The following ARMC6 variants were observed in gnomAD, a reference collection of about 807,000 sequenced individuals.
ARMC6 encodes the protein armadillo repeat-containing protein 6.
Under a neutral mutation model 49.2 loss-of-function variants are expected in ARMC6, and 43 were observed. That is an observed-to-expected ratio of 0.87 (90% CI 0.69 to 1.13). The LOEUF is 1.13. Among genes scored for constraint, ARMC6 ranks in the 50% most tolerant of loss-of-function variants. The pLI is 0.00. For missense variants in ARMC6, 627 were observed against 682.0 expected, an observed-to-expected ratio of 0.92 and a Z score of 0.90; for synonymous variants, 262 against 289.6, an observed-to-expected ratio of 0.90 and a Z score of 0.97.
chr19:19,051,373 C>CTGTGTGTGTG (rs1279966843), intron 4 of ARMC6, among the ~76,000 whole-genome samples: 17 of 115,146 alleles, frequency 1.5e-4, no homozygotes, highest in African/African-American at 4.1e-4. Context: ...CTCTCTCTCT[C>CTGTGTGTGTG]TCTGTGTGTG....
At position 19,048,782 on chromosome 19, in the gene ARMC6, A is replaced by G. The variant is rs1209860673; in HGVS notation, c.280-2840A>G. Among the ~76,000 whole-genome samples, 4 of 152,348 alleles carry G rather than the reference A, an allele frequency of 2.6e-5. No individual in the cohort carries two copies. In the East Asian group the frequency reaches 7.7e-4, roughly 29 times the overall value. On this transcript the variant is annotated intron_variant, in intron 4 of 8. Coordinates refer to ENST00000535612, the MANE Select transcript of ARMC6 (RefSeq NM_001199196.2). ...AATGTAGCTTTTCCCCACAAGAGAT[A>G]GCTTTGCAGGGCCATTTCAAAATAT...
At chr19:19,046,927 G>GTTTTTTTTTTTTTTTTTTTT (rs386388691) in intron 4 of ARMC6, among the ~76,000 whole-genome samples, 26 of 104,302 alleles carry the variant, frequency 2.5e-4, no homozygotes, top group East Asian at 6.1e-4. Context: ...ATGCTCACCT[G>GTTTTTTTTTTTTTTTTTTTT]TTTTTTTTTT....
At chr19:19,034,260 C>T (rs2059317180) in intron 2 of ARMC6, 22 bp downstream of exon 2, 1 of 1,591,582 alleles carries the variant, frequency 6.3e-7, no homozygotes, top group South Asian at 1.1e-5. Flanking sequence ...CAAATAATAA[C>T]AGAGTGATGG....
At chr19:19,051,359 ATCTCTC>A (rs373829349) in intron 4 of ARMC6, among the ~76,000 whole-genome samples, 10 of 132,288 alleles carry the variant, frequency 7.6e-5, no homozygotes, top group African/African-American at 2.8e-4. Context: ...AGTTGTCTGG[ATCTCTC>A]TCTCTCTCTC....
intron 4 of ARMC6, among the ~76,000 whole-genome samples, chr19:19,044,432 C>G (rs774896907): frequency 1.1e-4 from 17 of 152,224 alleles, no homozygotes; most frequent in Non-Finnish European, 2.5e-4. Flanking sequence ...GTAAGGCTGT[C>G]ACTTACTGAG....
chr19:19,034,371 C>G, intron 2 of ARMC6, 133 bp downstream of exon 2: 2 of 1,173,362 alleles, frequency 1.7e-6, no homozygotes, highest in South Asian at 2.7e-5. Flanking sequence ...ACTTGGAAGG[C>G]TTAGATAGAG....
intron 1 of ARMC6, 94 bp downstream of exon 1, chr19:19,034,024 TG>T (rs925237328): frequency 1.4e-4 from 72 of 530,868 alleles, no homozygotes; most frequent in East Asian, 1.9e-4. Flanking sequence ...GTACGTGGTT[TG>T]GGGGGAAAAA....
At chr19:19,035,262 T>A (rs933727768) in intron 2 of ARMC6, among the ~76,000 whole-genome samples, 1 of 152,172 alleles carries the variant, frequency 6.6e-6, no homozygotes, top group African/African-American at 2.4e-5. Context: ...CGCCTCAGAC[T>A]CCCAAAGCGC....
chr19:19,046,614 C>G (rs1042337529), intron 4 of ARMC6, among the ~76,000 whole-genome samples: 31 of 152,154 alleles, frequency 2.0e-4, no homozygotes, highest in Middle Eastern at 3.2e-3. Context: ...CCTGCCTCAG[C>G]CTCCCGAGTA....
intron 8 of ARMC6, among the ~76,000 whole-genome samples, chr19:19,056,565 C>T (rs1183417662): frequency 6.6e-6 from 1 of 152,056 alleles, no homozygotes; most frequent in Non-Finnish European, 1.5e-5. Flanking sequence ...CCCTTAATCT[C>T]CTTTTTTAAA....
At chr19:19,034,823 C>T (rs1162334609) in intron 2 of ARMC6, among the ~76,000 whole-genome samples, 2 of 151,064 alleles carry the variant, frequency 1.3e-5, no homozygotes, top group Non-Finnish European at 2.9e-5. Flanking sequence ...CCTCAGCCTC[C>T]TGAGTAGCTG....
chr19:19,038,550 A>G (rs1365345928), intron 2 of ARMC6, among the ~76,000 whole-genome samples: 2 of 152,100 alleles, frequency 1.3e-5, no homozygotes, highest in Admixed American at 6.5e-5. Flanking sequence ...TTTCCAGGGT[A>G]TGCCTATACT....
chr19:19,041,971 G>A (rs1007040815), intron 2 of ARMC6, among the ~76,000 whole-genome samples: 2 of 151,998 alleles, frequency 1.3e-5, no homozygotes, highest in African/African-American at 4.8e-5. Flanking sequence ...GTGCAGTGGC[G>A]CAATCTTGGC....
rs139250231 is a variant in ARMC6, at chr19:19,051,684, C to T, written c.342C>T (p.Leu114=). ...SSRPQEVSAY[L]TRFCDQCKQD... ...GCCCCCAGGAGGTGTCAGCATACCTCACCCGCTTCTGCGACCAGTGCAAAC... is the reference window on the plus strand; with the variant it reads ...GCCCCCAGGAGGTGTCAGCATACCTTACCCGCTTCTGCGACCAGTGCAAAC... Residue 114 remains leucine (L), a synonymous_variant, in exon 5 of 9, where the codon CTC becomes CTT. Transcript: ENST00000535612. 1.3e-4 allele frequency: 202 copies of T among 1,613,594 alleles called. 1 individual carries two copies. Among genetic ancestry groups the T allele is most frequent in the Admixed American group, 2.5e-4 (15 of 59,958 alleles).
rs368223080 is a variant in ARMC6, at chr19:19,057,462, C to T, written c.1340C>T (p.Ala447Val). The T allele has an allele frequency of 2.5e-5, 41 of 1,614,006 alleles. No homozygotes were observed. The highest frequency in any genetic ancestry group is 2.5e-4 in the South Asian group (23 of 91,082). ...LIRNLVAHGQAFSKPILDLGA... is the reference protein window; with the variant it reads ...LIRNLVAHGQVFSKPILDLGA... ...CGAAACCTGGTGGCCCACGGCCAGG[C>T]CTTCTCGAAGCCCATCCTGGACCTG... The change falls in exon 9 of 9, where the codon GCC (alanine) becomes GTC (valine). Residue 447 changes from alanine (A) to valine (V), a missense_variant. Ala to Val is a moderately conservative substitution (Grantham distance 64). Transcript: ENST00000535612.
chr19:19,047,627 G>A (rs773824235), intron 4 of ARMC6, among the ~76,000 whole-genome samples: 16 of 152,222 alleles, frequency 1.1e-4, no homozygotes, highest in South Asian at 2.1e-4. Context: ...ATTGTCATAG[G>A]TAGAACACAG....
Position 19,057,454 on chromosome 19 carries a change from C to T in ARMC6, c.1332C>T (p.His444=), listed in dbSNP as rs374773253. 3.0e-5 allele frequency: 49 copies of T among 1,613,742 alleles called. No individual in the cohort carries two copies. The highest frequency in any genetic ancestry group is 5.0e-5 in the Admixed American group (3 of 60,000). Residue 444 remains histidine, a synonymous_variant, in exon 9 of 9, where the codon CAC becomes CAT. Coordinates refer to ENST00000535612, the MANE Select transcript of ARMC6 (RefSeq NM_001199196.2). ...ACMLIRNLVA[H]GQAFSKPILD... is the part of the protein sequence containing the mutation. The stretch of plus-strand genomic sequence containing the variant: ...TGCTGATCCGAAACCTGGTGGCCCA[C>T]GGCCAGGCCTTCTCGAAGCCCATCC...
At chr19:19,057,299 G>T in intron 8 of ARMC6, 117 bp from the exon 9 acceptor site, 1 of 829,972 alleles carries the variant, frequency 1.2e-6, no homozygotes. Flanking sequence ...ATAGGCAGCT[G>T]CTGGATGTCA....
chr19:19,057,395 C>T (rs1221776847), intron 8 of ARMC6, 21 bp from the exon 9 acceptor site: 23 of 1,604,002 alleles, frequency 1.4e-5, no homozygotes, highest in Non-Finnish European at 1.8e-5. Context: ...TCTGGCAGCT[C>T]ACAGCTGCTC....
Sources: gnomAD v4.1 joint callset for allele counts (sites outside exome capture counted in the v4.1 genomes callset) on GRCh38, gnomAD v4.1.1 for gene constraint, MANE v1.5 for transcripts, NCBI Gene and HGNC (gene_info 2026-07-23, HGNC 2026-07-21) for gene names.